The following UNC79 variants were observed in gnomAD, a reference collection of about 807,000 sequenced individuals.
UNC79 encodes protein unc-79 homolog.
A neutral mutation model predicts 283.1 loss-of-function variants in UNC79; 37 were observed. That is an observed-to-expected ratio of 0.13 (90% CI 0.10 to 0.17). The LOEUF (loss-of-function observed/expected upper bound fraction) is 0.17, where lower values mean the gene tolerates loss of function less well. UNC79 is among the 10% of genes least tolerant of loss of function. UNC79 has a pLI of 1.00. For synonymous variants in UNC79, 1,107 were observed against 1,200.2 expected, an observed-to-expected ratio of 0.92 and a Z score of 1.61; for missense variants, 2,272 against 3,211.1, an observed-to-expected ratio of 0.71 and a Z score of 7.07.
chr14:93,631,889 G>T (rs149681989), intron 31 of UNC79, among the ~76,000 whole-genome samples: 1 of 152,308 alleles, frequency 6.6e-6, no homozygotes, highest in East Asian at 1.9e-4. Context: ...TGTTCTCCAG[G>T]AGTTTGCAGT....
chr14:93,500,734 A>T (rs1020482203), intron 7 of UNC79, among the ~76,000 whole-genome samples: 2 of 152,192 alleles, frequency 1.3e-5, no homozygotes, highest in Non-Finnish European at 2.9e-5. Flanking sequence ...CACACAAATA[A>T]TAAGGGCACA....
intron 1 of UNC79, among the ~76,000 whole-genome samples, chr14:93,362,160 G>T (rs535694237): frequency 6.6e-6 from 1 of 152,036 alleles, no homozygotes; most frequent in African/African-American, 2.4e-5. Context: ...TTTTTTCATC[G>T]TGTCTCACCA....
chr14:93,654,899 G>T (rs2070758559), intron 37 of UNC79, among the ~76,000 whole-genome samples: 1 of 152,198 alleles, frequency 6.6e-6, no homozygotes, highest in African/African-American at 2.4e-5. Context: ...AAAAGCTGCA[G>T]CTCCTGTAAC....
chr14:93,496,515 A>G (rs1482975138), intron 6 of UNC79, 49 bp downstream of exon 6: 1 of 1,317,374 alleles, frequency 7.6e-7, no homozygotes, highest in African/African-American at 1.5e-5. Flanking sequence ...TAATTTGTAT[A>G]ATACAGTAAA....
chr14:93,629,164 A>G (rs2140049070), intron 30 of UNC79, among the ~76,000 whole-genome samples: 1 of 152,262 alleles, frequency 6.6e-6, no homozygotes, highest in Non-Finnish European at 1.5e-5. Context: ...ATGCCACTGC[A>G]CTCCAGACTG....
At chr14:93,352,832 A>G (rs188883116) in intron 1 of UNC79, among the ~76,000 whole-genome samples, 1 of 152,346 alleles carries the variant, frequency 6.6e-6, no homozygotes, top group Admixed American at 6.5e-5. Context: ...AATTGAAAGT[A>G]TTGTAAGTAC....
At chr14:93,562,840 C>T (rs1395824579) in intron 14 of UNC79, among the ~76,000 whole-genome samples, 3 of 152,124 alleles carry the variant, frequency 2.0e-5, no homozygotes, top group South Asian at 4.1e-4. Context: ...ATTTTAGTTT[C>T]CTGACTCGGG....
intron 14 of UNC79, among the ~76,000 whole-genome samples, chr14:93,567,580 C>T (rs767493365): frequency 2.6e-5 from 4 of 152,162 alleles, no homozygotes; most frequent in Non-Finnish European, 4.4e-5. Context: ...AATCTTCTTC[C>T]ACCACGTGGC....
chr14:93,531,061 A>C lies in UNC79; in HGVS notation c.1094-1489A>C, dbSNP rs1175058940. Among the ~76,000 whole-genome samples the C allele has an allele frequency of 6.6e-6, 1 of 152,258 alleles. No homozygotes were observed. Among genetic ancestry groups the C allele is most frequent in the Non-Finnish European group, 1.5e-5 (1 of 68,040 alleles). ...GTGCTCTGAGGTAAAAGCCATAGTCAAGTTATAAAATATAAGTTATAAAAT... is the reference window on the plus strand; with the variant it reads ...GTGCTCTGAGGTAAAAGCCATAGTCCAGTTATAAAATATAAGTTATAAAAT... On this transcript the variant is annotated intron_variant, in intron 10 of 48. Transcript: ENST00000555664. The surrounding 1 kb of genome is among the most constrained non-coding windows in gnomAD (Gnocchi z 4.2).
rs537280640 is a variant in UNC79 at position 93,372,966 on chromosome 14, G to T, written c.-351+39443G>T. On this transcript the variant is annotated intron_variant, in intron 1 of 49. Coordinates refer to the UNC79 transcript ENST00000256339. ...AAAGGATAGAAATCATACAATGTTT[G>T]CTCTCAGATCACAATGAAACGAAAC... 4.6e-5 allele frequency among the ~76,000 whole-genome samples: 7 copies of T among 152,300 alleles called. No individual in the cohort carries two copies. The South Asian group carries it at 1.4e-3, about 32-fold the overall frequency.
In UNC79 at chr14:93,634,640, G is replaced by A. The variant is rs1406477026; in HGVS notation, c.5717-2576G>A. 6.2e-6 allele frequency: 10 copies of A among 1,612,658 alleles called. No individual in the cohort carries two copies. The highest frequency in any genetic ancestry group is 8.5e-6 in the Non-Finnish European group (10 of 1,178,852). On this transcript the variant is annotated intron_variant, in intron 31 of 48. Coordinates refer to ENST00000555664, the Ensembl canonical transcript of UNC79. ...TAACATCAGCAACTGGGACACTGGT[G>A]GGTCAAGCTTTTTCTTCTCATTCTA...
intron 35 of UNC79, among the ~76,000 whole-genome samples, chr14:93,647,836 G>T (rs1260703828): frequency 1.3e-5 from 2 of 152,196 alleles, no homozygotes; most frequent in Non-Finnish European, 2.9e-5. Context: ...CATGGCTGGG[G>T]AGGCCTCACA....
intron 1 of UNC79, chr14:93,467,007 C>A: frequency 1.4e-6 from 1 of 691,916 alleles, no homozygotes; most frequent in Non-Finnish European, 1.8e-6. Flanking sequence ...TTATGAGATT[C>A]TTTGGAAGAA....
At chr14:93,665,701 G>A (rs1473762840) in intron 40 of UNC79, among the ~76,000 whole-genome samples, 1 of 151,462 alleles carries the variant, frequency 6.6e-6, no homozygotes, top group Non-Finnish European at 1.5e-5. Flanking sequence ...CACAATAGAA[G>A]CCAGAAGATA....
intron 42 of UNC79, among the ~76,000 whole-genome samples, chr14:93,685,587 G>A (rs781595670): frequency 8.5e-5 from 13 of 152,154 alleles, no homozygotes; most frequent in African/African-American, 2.2e-4. Flanking sequence ...GTTCAGTACC[G>A]CGCAGATTTA....
chr14:93,480,161 A>T (rs2058050722), intron 4 of UNC79, among the ~76,000 whole-genome samples: 1 of 152,352 alleles, frequency 6.6e-6, no homozygotes, highest in Non-Finnish European at 1.5e-5. Context: ...TCTTACTTAC[A>T]TAAATGTACA....
chr14:93,584,644 T>G (rs2064084220), intron 20 of UNC79, among the ~76,000 whole-genome samples: 1 of 152,216 alleles, frequency 6.6e-6, no homozygotes, highest in Non-Finnish European at 1.5e-5. Flanking sequence ...AACTGCTGCT[T>G]TTATCTCTGC....
chr14:93,584,099 C>G (rs760535950), intron 20 of UNC79, among the ~76,000 whole-genome samples: 5 of 152,152 alleles, frequency 3.3e-5, no homozygotes, highest in African/African-American at 1.2e-4. Context: ...AGCCACCACA[C>G]CCGGCCATAT....
intron 1 of UNC79, among the ~76,000 whole-genome samples, chr14:93,338,567 A>G (rs141380271): frequency 6.6e-6 from 1 of 152,328 alleles, no homozygotes; most frequent in East Asian, 1.9e-4. Flanking sequence ...ATATGTAAAG[A>G]ATGCTTACAA....
Sources: gnomAD v4.1 joint callset for allele counts (sites outside exome capture counted in the v4.1 genomes callset) on GRCh38, gnomAD v4.1.1 for gene constraint, Gnocchi (gnomAD v3.1) non-coding constraint, MANE v1.5 for transcripts, NCBI Gene and HGNC (gene_info 2026-07-23, HGNC 2026-07-21) for gene names.